The following RBFOX1 variants were observed in gnomAD, a reference collection of about 807,000 sequenced individuals.
RBFOX1 encodes RNA binding fox-1 homolog 1.
In RBFOX1, 8 loss-of-function variants were observed where a neutral mutation model predicts 57.7. The ratio of observed to expected loss-of-function variants is 0.14; its 90% CI spans 0.08 to 0.25. The LOEUF is 0.25. RBFOX1 is among the 10% of genes least tolerant of loss of function. The pLI is 1.00. For missense variants in RBFOX1, 611 were observed against 548.5 expected (o/e 1.11, Z -1.14); for synonymous variants, 326 against 222.4 (o/e 1.47, Z -4.15).
chr16:5,943,899 A>G (rs531418573), intron 4 of RBFOX1, among the ~76,000 whole-genome samples: 1 of 151,324 alleles, frequency 6.6e-6, no homozygotes, highest in South Asian at 2.1e-4. Flanking sequence ...CCATTCATCT[A>G]CTCATCCATC....
At chr16:6,273,081 G>C (rs1316822178) in intron 1 of RBFOX1, among the ~76,000 whole-genome samples, 1 of 151,908 alleles carries the variant, frequency 6.6e-6, no homozygotes, top group Non-Finnish European at 1.5e-5. Flanking sequence ...CCAACATGGT[G>C]AAACCCCTTC....
At chr16:7,704,384 T>C (rs2081753525) in intron 14 of RBFOX1, among the ~76,000 whole-genome samples, 1 of 152,200 alleles carries the variant, frequency 6.6e-6, no homozygotes, top group African/African-American at 2.4e-5. Context: ...AGAAATGATG[T>C]AAAAAGTGTA....
intron 3 of RBFOX1, among the ~76,000 whole-genome samples, chr16:5,621,314 TCC>T (rs2048194902): frequency 6.6e-6 from 1 of 152,142 alleles, no homozygotes; most frequent in South Asian, 2.1e-4. Context: ...AAGACCTGTC[TCC>T]AAATAGGTCT....
chr16:5,256,729 G>A (rs62019131), intron 1 of RBFOX1, among the ~76,000 whole-genome samples: 45,369 of 151,826 alleles, frequency 0.3, 7,279 homozygotes, highest in South Asian at 0.42. Context: ...GAGGCCAGGA[G>A]TTCGATACCA....
intron 2 of RBFOX1, among the ~76,000 whole-genome samples, chr16:6,342,299 T>A (rs937515608): frequency 6.6e-6 from 1 of 152,150 alleles, no homozygotes; most frequent in African/African-American, 2.4e-5. Flanking sequence ...AAGATGGACA[T>A]GTGGAAATGC....
At chr16:5,961,371 A>T (rs145104607) in intron 4 of RBFOX1, among the ~76,000 whole-genome samples, 1 of 152,150 alleles carries the variant, frequency 6.6e-6, no homozygotes, top group South Asian at 2.1e-4. Flanking sequence ...AAAATTACTC[A>T]ATAGCAAAGC....
At chr16:5,635,360 T>A (rs371973945) in intron 3 of RBFOX1, among the ~76,000 whole-genome samples, 1 of 152,182 alleles carries the variant, frequency 6.6e-6, no homozygotes, top group Non-Finnish European at 1.5e-5. Context: ...TCTCTCTGAA[T>A]GTGGTTCTCT....
chr16:7,110,824 C>A (rs760465870), intron 4 of RBFOX1, among the ~76,000 whole-genome samples: 1 of 152,124 alleles, frequency 6.6e-6, no homozygotes, highest in Admixed American at 6.5e-5. Flanking sequence ...GAATGTCTGT[C>A]TATATTTATT....
intron 4 of RBFOX1, among the ~76,000 whole-genome samples, chr16:7,192,475 A>C (rs1045932820): frequency 6.6e-6 from 1 of 152,216 alleles, no homozygotes; most frequent in Non-Finnish European, 1.5e-5. Flanking sequence ...AATGTAGTAA[A>C]GTACTTAGCA....
chr16:6,311,295 C>CAAAA (rs71145210), intron 1 of RBFOX1, among the ~76,000 whole-genome samples: 2,403 of 90,952 alleles, frequency 0.026, 75 homozygotes, highest in Middle Eastern at 0.082. Flanking sequence ...GACTCTGTCT[C>CAAAA]AAAAAAAAAA....
intron 3 of RBFOX1, among the ~76,000 whole-genome samples, chr16:6,905,581 T>A (rs902550088): frequency 1.3e-5 from 2 of 150,004 alleles, no homozygotes; most frequent in African/African-American, 4.9e-5. Context: ...AGATGTTTGG[T>A]TACCCCTTCA....
intron 1 of RBFOX1, among the ~76,000 whole-genome samples, chr16:6,311,883 G>A (rs977208149): frequency 4.6e-5 from 7 of 152,206 alleles, no homozygotes; most frequent in South Asian, 2.1e-4. Flanking sequence ...ACCAGGAATC[G>A]CACATCATAA....
intron 4 of RBFOX1, among the ~76,000 whole-genome samples, chr16:7,504,773 AT>A (rs2072556549): frequency 1.1e-4 from 1 of 9,396 alleles, no homozygotes; most frequent in African/African-American, 2.4e-4. Flanking sequence ...ATATATATTT[AT>A]ATATATATAT....
At chr16:6,074,073 C>G (rs1009711518) in intron 1 of RBFOX1, among the ~76,000 whole-genome samples, 2 of 152,072 alleles carry the variant, frequency 1.3e-5, no homozygotes, top group African/African-American at 4.8e-5. Context: ...CTCAGCCTCC[C>G]GAGTAGCTGG....
At chr16:7,172,848 A>T (rs1418708869) in intron 4 of RBFOX1, among the ~76,000 whole-genome samples, 2 of 152,196 alleles carry the variant, frequency 1.3e-5, no homozygotes, top group African/African-American at 4.8e-5. Flanking sequence ...GGTTTAGAGA[A>T]CATGGGGAGA....
chr16:5,273,356 A>C (rs1852668), intron 1 of RBFOX1, among the ~76,000 whole-genome samples: 4 of 151,720 alleles, frequency 2.6e-5, no homozygotes, highest in Middle Eastern at 3.2e-3. Flanking sequence ...AGTGCCTGCT[A>C]TGTGCCAGGC....
At chr16:5,903,639 A>T (rs994713224) in intron 4 of RBFOX1, among the ~76,000 whole-genome samples, 4 of 152,164 alleles carry the variant, frequency 2.6e-5, no homozygotes, top group African/African-American at 9.7e-5. Flanking sequence ...TCAGAGGCTG[A>T]AAAAAAGTCT....
At chr16:6,306,183 C>G (rs1266658753) in intron 1 of RBFOX1, among the ~76,000 whole-genome samples, 1 of 152,122 alleles carries the variant, frequency 6.6e-6, no homozygotes, top group African/African-American at 2.4e-5. Context: ...TTATGTTTTC[C>G]TGTATAGTTA....
chr16:5,737,188 A>T (rs533437725), intron 3 of RBFOX1, among the ~76,000 whole-genome samples: 23 of 152,024 alleles, frequency 1.5e-4, no homozygotes, highest in East Asian at 5.8e-4. Flanking sequence ...CATTTTTTTT[A>T]AAAAAAGATT....
Sources: gnomAD v4.1 joint callset for allele counts (sites outside exome capture counted in the v4.1 genomes callset) on GRCh38, gnomAD v4.1.1 for gene constraint, MANE v1.5 for transcripts, NCBI Gene and HGNC (gene_info 2026-07-23, HGNC 2026-07-21) for gene names.